The following ANKRD17 variants were observed in gnomAD, a reference collection of about 807,000 sequenced individuals.
ANKRD17 encodes ankyrin repeat domain-containing protein 17.
ANKRD17 carries 19 observed loss-of-function variants against 229.7 expected under a neutral mutation model. That is an observed-to-expected ratio of 0.08 (90% CI 0.06 to 0.12). ANKRD17 has a LOEUF of 0.12. ANKRD17 is among the 10% of genes least tolerant of loss of function. The probability of loss-of-function intolerance (pLI) is 1.00; values close to 1 mark genes in which losing one functional copy is unlikely to be tolerated. For missense variants in ANKRD17, 2,176 were observed against 3,176.8 expected, an observed-to-expected ratio of 0.68 and a Z score of 7.57; for synonymous variants, 1,112 against 1,146.1, an observed-to-expected ratio of 0.97 and a Z score of 0.60.
At chr4:73,121,833 T>C (rs1346963695) in intron 18 of ANKRD17, 74 bp from the exon 19 acceptor site, 10 of 1,431,846 alleles carry the variant, frequency 7.0e-6, no homozygotes, top group African/African-American at 1.4e-5. Flanking sequence ...TTTAAATTTC[T>C]TTTTCTGGTA....
At chr4:73,245,532 G>A (rs945408939) in intron 1 of ANKRD17, among the ~76,000 whole-genome samples, 2 of 152,166 alleles carry the variant, frequency 1.3e-5, no homozygotes, top group Admixed American at 1.3e-4. Context: ...CTAAGCCCAT[G>A]GATTCCACCT....
intron 26 of ANKRD17, 64 bp from the exon 27 acceptor site, chr4:73,097,336 G>A: frequency 7.3e-7 from 1 of 1,376,284 alleles, no homozygotes. Context: ...AAATGATAAA[G>A]GTAGTCTACT....
intron 27 of ANKRD17, among the ~76,000 whole-genome samples, chr4:73,096,063 A>G (rs1211868827): frequency 6.6e-6 from 1 of 152,202 alleles, no homozygotes; most frequent in Non-Finnish European, 1.5e-5. Context: ...AAAGAGAAGC[A>G]GTCAAGTATA....
intron 22 of ANKRD17, among the ~76,000 whole-genome samples, chr4:73,117,538 C>T (rs1021434318): frequency 1.3e-5 from 2 of 152,030 alleles, no homozygotes; most frequent in African/African-American, 4.8e-5. Context: ...AGTTGGATTG[C>T]TGAGAAACAA....
At chr4:73,200,467 G>A (rs566713060) in intron 1 of ANKRD17, among the ~76,000 whole-genome samples, 46 of 152,212 alleles carry the variant, frequency 3.0e-4, no homozygotes, top group African/African-American at 1.0e-3. Context: ...CCTGGGCCAC[G>A]TTCTCAGATA....
At chr4:73,135,384 A>T (rs550550276) in intron 15 of ANKRD17, 119 bp from the exon 16 acceptor site, 1 of 878,544 alleles carries the variant, frequency 1.1e-6, no homozygotes, top group East Asian at 2.8e-5. Context: ...GAAGACTACT[A>T]TAGCACTAAT....
intron 6 of ANKRD17, among the ~76,000 whole-genome samples, chr4:73,153,654 T>C (rs924968583): frequency 2.0e-5 from 3 of 152,168 alleles, no homozygotes; most frequent in African/African-American, 7.2e-5. Context: ...GATAAAACAA[T>C]TAGATCAATT....
chr4:73,164,166 G>T (rs1732916517), intron 2 of ANKRD17, among the ~76,000 whole-genome samples: 1 of 152,022 alleles, frequency 6.6e-6, no homozygotes, highest in Admixed American at 6.6e-5. Flanking sequence ...ATTTCCACAT[G>T]AAAAAAATTA....
At chr4:73,128,856 T>C (rs1727814498) in intron 16 of ANKRD17, among the ~76,000 whole-genome samples, 1 of 152,154 alleles carries the variant, frequency 6.6e-6, no homozygotes, top group Non-Finnish European at 1.5e-5. Flanking sequence ...TATTTCTGAA[T>C]ACATCAATAA....
intron 1 of ANKRD17, among the ~76,000 whole-genome samples, chr4:73,205,371 A>G (rs1039796897): frequency 6.6e-6 from 1 of 152,158 alleles, no homozygotes; most frequent in Admixed American, 6.5e-5. Context: ...GTAATAACCA[A>G]AACTGCATGA....
chr4:73,204,345 A>C lies in ANKRD17; in HGVS notation c.394-26812T>G, dbSNP rs1318325780. Among the ~76,000 whole-genome samples, 8 of 139,180 alleles carry C rather than the reference A, an allele frequency of 5.7e-5. No individual in the cohort carries two copies. The Admixed American group carries it at 6.2e-4, about 11-fold the overall frequency. The allele number at this position is 139,180 out of a possible 152,430, so 91.3% of individuals were successfully genotyped here. ...CATTGCAGTCCAGCCTGGGCGACAA[A>C]GTGAGACTCCGTCAAAAAAAAAAAA... On this transcript the variant is annotated intron_variant, in intron 1 of 33. Transcript: ENST00000358602.
intron 16 of ANKRD17, among the ~76,000 whole-genome samples, chr4:73,128,933 T>C (rs1332067714): frequency 6.6e-6 from 1 of 152,174 alleles, no homozygotes; most frequent in Non-Finnish European, 1.5e-5. Flanking sequence ...AAAACAGGTG[T>C]TTCAAATACT....
intron 1 of ANKRD17, among the ~76,000 whole-genome samples, chr4:73,244,125 C>G (rs750005057): frequency 1.3e-5 from 2 of 152,102 alleles, no homozygotes; most frequent in Non-Finnish European, 2.9e-5. Context: ...CAAATGTCCT[C>G]TTTTTATAAG....
rs1289368372 is a variant in ANKRD17 at position 73,092,045 on chromosome 4, G to A, written c.5583C>T (p.Ser1861=). ...CTGGGTTCTTAATGGTTTTGTGAGTGGATGCAGAAGAAATTGCAGGCACAG... is the reference window on the plus strand; with the variant it reads ...CTGGGTTCTTAATGGTTTTGTGAGTAGATGCAGAAGAAATTGCAGGCACAG... ...ALTVPAISSA[S]THKTIKNPVN... Residue 1861 remains serine, a synonymous_variant, in exon 29 of 34, where the codon TCC becomes TCT. Coordinates refer to ENST00000358602, the MANE Select transcript of ANKRD17 (RefSeq NM_032217.5). The A allele has an allele frequency of 6.2e-7, 1 of 1,614,178 alleles. No homozygotes were observed. The highest frequency in any genetic ancestry group is 8.5e-7 in the Non-Finnish European group (1 of 1,180,036).
At chr4:73,170,526 A>G (rs1382914547) in intron 2 of ANKRD17, among the ~76,000 whole-genome samples, 2 of 138,016 alleles carry the variant, frequency 1.4e-5, no homozygotes, top group Admixed American at 7.2e-5. Context: ...GTGACAGCAC[A>G]GTTGGGGTCG....
chr4:73,180,371 T>C (rs1374139809), intron 1 of ANKRD17, among the ~76,000 whole-genome samples: 1 of 152,140 alleles, frequency 6.6e-6, no homozygotes, highest in Non-Finnish European at 1.5e-5. Flanking sequence ...AGAAGTTAGA[T>C]CACAGAAGAT....
At chr4:73,126,333 AGGAATAGTTTGGTTCCC>A (rs1175239122) in intron 16 of ANKRD17, among the ~76,000 whole-genome samples, 1 of 152,144 alleles carries the variant, frequency 6.6e-6, no homozygotes, top group East Asian at 1.9e-4. Flanking sequence ...ACACGGAGCC[AGGAATAGTTTGGTTCCC>A]ACCAGCCAGA....
intron 2 of ANKRD17, among the ~76,000 whole-genome samples, chr4:73,168,766 A>G (rs1560640065): frequency 6.6e-6 from 1 of 152,210 alleles, no homozygotes. Flanking sequence ...GTTTAAATGT[A>G]CGTTTTTTGT....
chr4:73,102,301 G>C, intron 25 of ANKRD17, 75 bp downstream of exon 25: 1 of 1,438,424 alleles, frequency 7.0e-7, no homozygotes, highest in Non-Finnish European at 9.4e-7. Flanking sequence ...ATATTTTCAA[G>C]AGTGACTGAT....
Sources: gnomAD v4.1 joint callset for allele counts (sites outside exome capture counted in the v4.1 genomes callset) on GRCh38, gnomAD v4.1.1 for gene constraint, MANE v1.5 for transcripts, NCBI Gene and HGNC (gene_info 2026-07-23, HGNC 2026-07-21) for gene names.